PDE4D: variants seen among roughly 807,000 people sequenced by gnomAD.
PDE4D encodes 3',5'-cyclic-AMP phosphodiesterase 4D.
A neutral mutation model predicts 87.4 loss-of-function variants in PDE4D; 24 were observed. The observed-to-expected ratio is 0.27, with a 90% confidence interval of 0.20 to 0.39. The LOEUF (loss-of-function observed/expected upper bound fraction) is 0.39. PDE4D is among the 10% of genes least tolerant of loss of function. The pLI is 1.00. For missense variants in PDE4D, 714 were observed against 1,041.0 expected (o/e 0.69, Z 4.32); for synonymous variants, 384 against 383.2 (o/e 1.00, Z -0.02).
intron 1 of PDE4D, among the ~76,000 whole-genome samples, chr5:59,336,912 T>C (rs950266038): frequency 1.3e-5 from 2 of 152,196 alleles, no homozygotes; most frequent in African/African-American, 4.8e-5. Context: ...CAGGAATCTA[T>C]TTACTCAATG....
intron 1 of PDE4D, among the ~76,000 whole-genome samples, chr5:59,369,386 T>C (rs754774620): frequency 6.6e-6 from 1 of 152,206 alleles, no homozygotes; most frequent in Non-Finnish European, 1.5e-5. Context: ...GACATATGGG[T>C]ATTTAATAGT....
intron 2 of PDE4D, among the ~76,000 whole-genome samples, chr5:60,065,274 T>TC (rs1771924507): frequency 1.3e-5 from 1 of 77,550 alleles, no homozygotes; most frequent in Non-Finnish European, 3.1e-5. Context: ...GTGTGTCGTG[T>TC]GTGTGTGTGT....
intron 2 of PDE4D, among the ~76,000 whole-genome samples, chr5:60,026,657 TC>T (rs1198430586): frequency 6.6e-6 from 1 of 152,080 alleles, no homozygotes; most frequent in Admixed American, 6.6e-5. Context: ...CCATTAGCCA[TC>T]CCCTCAGCTG....
intron 3 of PDE4D, among the ~76,000 whole-genome samples, chr5:59,905,482 T>G (rs1325282587): frequency 2.0e-5 from 3 of 152,092 alleles, no homozygotes; most frequent in African/African-American, 7.2e-5. Context: ...TTCTTAAAAG[T>G]ATGTCATTTA....
intron 1 of PDE4D, among the ~76,000 whole-genome samples, chr5:59,461,072 T>C (rs1452029365): frequency 2.0e-5 from 3 of 152,206 alleles, no homozygotes; most frequent in East Asian, 3.8e-4. Flanking sequence ...TTTACCATTA[T>C]GGGCTACTTT....
At chr5:59,269,293 A>G (rs973109028) in intron 1 of PDE4D, among the ~76,000 whole-genome samples, 32 of 152,294 alleles carry the variant, frequency 2.1e-4, no homozygotes, top group African/African-American at 7.2e-4. Context: ...ATTATCAGCT[A>G]TGCATCATAC....
intron 1 of PDE4D, among the ~76,000 whole-genome samples, chr5:59,247,405 C>T (rs533489802): frequency 7.2e-4 from 110 of 152,168 alleles, no homozygotes; most frequent in African/African-American, 2.6e-3. Context: ...AAAAAAGAGG[C>T]CCTGCCCATT....
At chr5:59,224,493 T>C (rs1173449531) in intron 1 of PDE4D, among the ~76,000 whole-genome samples, 1 of 152,162 alleles carries the variant, frequency 6.6e-6, no homozygotes, top group Non-Finnish European at 1.5e-5. Context: ...GTCTGGACTA[T>C]AAATGAAAGA....
chr5:59,271,569 G>A (rs1272430033), intron 1 of PDE4D, among the ~76,000 whole-genome samples: 1 of 151,932 alleles, frequency 6.6e-6, no homozygotes, highest in Non-Finnish European at 1.5e-5. Flanking sequence ...TGATCATGAG[G>A]CCAAAATAAG....
At chr5:60,173,015 A>G (rs934414480) in intron 2 of PDE4D, among the ~76,000 whole-genome samples, 1 of 152,212 alleles carries the variant, frequency 6.6e-6, no homozygotes, top group Non-Finnish European at 1.5e-5. Context: ...GTGCAAAAGT[A>G]TCTAGAGTTT....
intron 1 of PDE4D, among the ~76,000 whole-genome samples, chr5:59,308,579 A>G (rs1771894411): frequency 1.3e-5 from 2 of 151,294 alleles, no homozygotes; most frequent in Non-Finnish European, 2.9e-5. Context: ...TCTAGCTTGT[A>G]GGCTTTCTGC....
chr5:59,108,846 G>A (rs900412048), intron 5 of PDE4D, among the ~76,000 whole-genome samples: 2 of 150,582 alleles, frequency 1.3e-5, no homozygotes, highest in African/African-American at 4.9e-5. Context: ...AGAGGTTGCA[G>A]TAGTGAGTGG....
At chr5:59,589,968 A>G (rs1255704110) in intron 1 of PDE4D, among the ~76,000 whole-genome samples, 2 of 152,194 alleles carry the variant, frequency 1.3e-5, no homozygotes, top group Non-Finnish European at 2.9e-5. Context: ...TAAATAACAG[A>G]AAAGCCAAAT....
Position 58,974,874 on chromosome 5 carries a change from T to C in PDE4D, c.2220A>G (p.Leu740=), listed in dbSNP as rs1167282267. Residue 740 remains leucine, a synonymous_variant, in exon 15 of 15, where the codon TTA becomes TTG. Coordinates refer to ENST00000340635, the MANE Select transcript of PDE4D (RefSeq NM_001104631.2). The part of the protein sequence containing the change: ...QTEKFQFELT[L]EEDGESDTEK... ...CCGTGTCTGACTCACCATCTTCCTC[T>C]AAAGTTAGTTCAAACTGGAATTTCT... The C allele has an allele frequency of 6.2e-6, 10 of 1,612,588 alleles. No individual in the cohort carries two copies. In the Admixed American group the frequency reaches 8.3e-5, roughly 13 times the overall value.
chr5:60,337,388 T>TACACACACACACACAC (rs370108536), intron 1 of PDE4D, among the ~76,000 whole-genome samples: 23 of 89,466 alleles, frequency 2.6e-4, no homozygotes, highest in African/African-American at 9.4e-4. Flanking sequence ...TATATATATA[T>TACACACACACACACAC]ACACACACAC....
chr5:60,478,438 C>A (rs1360958724), intron 1 of PDE4D, among the ~76,000 whole-genome samples: 1 of 152,110 alleles, frequency 6.6e-6, no homozygotes, highest in African/African-American at 2.4e-5. Context: ...TCTCCTCTAG[C>A]CTCATCACAG....
chr5:59,602,502 A>C (rs1300260626), intron 1 of PDE4D, among the ~76,000 whole-genome samples: 15 of 152,062 alleles, frequency 9.9e-5, no homozygotes. Flanking sequence ...CCCATTTATA[A>C]TAGTTACAAA....
intron 5 of PDE4D, among the ~76,000 whole-genome samples, chr5:59,172,227 A>G (rs1365198973): frequency 8.4e-6 from 1 of 119,354 alleles, no homozygotes; most frequent in East Asian, 2.2e-4. Flanking sequence ...TAATAAATAT[A>G]TAATAAATAT....
chr5:60,332,274 C>T (rs955453374), intron 1 of PDE4D, among the ~76,000 whole-genome samples: 9 of 152,070 alleles, frequency 5.9e-5, no homozygotes, highest in African/African-American at 2.2e-4. Flanking sequence ...TTCTATTGAT[C>T]CTGTTGTCCA....
Sources: allele counts gnomAD v4.1 joint callset (sites outside exome capture counted in the v4.1 genomes callset), GRCh38; gene constraint gnomAD v4.1.1; transcripts MANE v1.5; gene names NCBI Gene and HGNC (gene_info 2026-07-23, HGNC 2026-07-21).